RRAS2: variants seen among roughly 807,000 people sequenced by gnomAD.
RRAS2 encodes the protein RAS related 2.
RRAS2 carries 7 observed loss-of-function variants against 27.6 expected under a neutral mutation model. The ratio of observed to expected loss-of-function variants is 0.25; its 90% CI spans 0.14 to 0.48. RRAS2 has a LOEUF of 0.48. Ranked by LOEUF, RRAS2 falls within the 20% of genes least tolerant of loss-of-function variation. The pLI is 0.99. For missense variants in RRAS2, 178 were observed against 256.2 expected (o/e 0.69, Z 2.08); for synonymous variants, 86 against 90.9 (o/e 0.95, Z 0.31).
At chr11:14,343,712 T>TAGGTGC (rs150689172) in intron 1 of RRAS2, among the ~76,000 whole-genome samples, 3,675 of 151,920 alleles carry the variant, frequency 0.024, 163 homozygotes, top group African/African-American at 0.084. Context: ...TGCACGCCTG[T>TAGGTGC]AGTCCCAGCT....
In RRAS2 at chr11:14,278,871, G is replaced by T. The variant is rs1214332733; in HGVS notation, c.*466C>A. 1 of 156,210 alleles carries T rather than the reference G, an allele frequency of 6.4e-6. No individual in the cohort carries two copies. The highest frequency in any genetic ancestry group is 1.4e-5 in the Non-Finnish European group (1 of 70,318). The allele number at this position is 156,210 out of a possible 1,614,324, so 9.7% of individuals were successfully genotyped here. A position where few individuals can be genotyped will look rare whatever the true frequency, so the allele number is the denominator to read the frequency against. ...TTCACTTTTGTAGATTCAATTCAGTGTATTTAAGGTTAACAAAGGCTGACA... is the reference window on the plus strand; with the variant it reads ...TTCACTTTTGTAGATTCAATTCAGTTTATTTAAGGTTAACAAAGGCTGACA... On this transcript the variant is annotated 3_prime_UTR_variant, in exon 6 of 6. Transcript: ENST00000256196.
Position 14,351,928 on chromosome 11 carries a change from C to T in RRAS2, c.108+6835G>A, listed in dbSNP as rs1848964014. ...AAAAAAAAAAGAAGACAGCAAATGC[C>T]CTGGTTTTTCGGAAATACACAAAGA... On this transcript the variant is annotated intron_variant, in intron 1 of 5. Transcript: ENST00000256196. Among the ~76,000 whole-genome samples, 2 of 151,432 alleles carry T rather than the reference C, an allele frequency of 1.3e-5. 1 individual carries two copies. The highest frequency in any genetic ancestry group is 1.3e-4 in the Admixed American group (2 of 15,192).
At chr11:14,295,654 A>G (rs1591450141) in intron 2 of RRAS2, 114 bp downstream of exon 2, 1 of 756,074 alleles carries the variant, frequency 1.3e-6, no homozygotes, top group East Asian at 2.7e-5. Context: ...GACATGGGCT[A>G]ATATTCCAGA....
chr11:14,307,101 G>A (rs1461971032), intron 1 of RRAS2, among the ~76,000 whole-genome samples: 2 of 151,920 alleles, frequency 1.3e-5, no homozygotes, highest in Non-Finnish European at 2.9e-5. Context: ...TGAAGTGGGA[G>A]GATCATGGGA....
intron 1 of RRAS2, among the ~76,000 whole-genome samples, chr11:14,350,722 AT>A (rs1381753188): frequency 3.9e-5 from 6 of 152,062 alleles, no homozygotes; most frequent in Non-Finnish European, 8.8e-5. Context: ...CAAAAAAAAA[AT>A]CTCATGTTTT....
intron 1 of RRAS2, among the ~76,000 whole-genome samples, chr11:14,301,561 T>G (rs1847705722): frequency 1.3e-5 from 2 of 152,244 alleles, no homozygotes; most frequent in Non-Finnish European, 2.9e-5. Flanking sequence ...AGGGACTTTG[T>G]CAGAGAAGTA....
chr11:14,319,824 G>A (rs915781304), intron 1 of RRAS2, among the ~76,000 whole-genome samples: 1 of 152,182 alleles, frequency 6.6e-6, no homozygotes, highest in African/African-American at 2.4e-5. Context: ...GTAAGTATCA[G>A]TTGTATTTTT....
At chr11:14,316,029 C>CAA (rs143019979) in intron 1 of RRAS2, among the ~76,000 whole-genome samples, 13 of 151,544 alleles carry the variant, frequency 8.6e-5, no homozygotes, top group Admixed American at 2.6e-4. Flanking sequence ...AATAAAAAGA[C>CAA]AAAAAAAACG....
chr11:14,297,040 A>G (rs1317368796), intron 1 of RRAS2, among the ~76,000 whole-genome samples: 1 of 152,168 alleles, frequency 6.6e-6, no homozygotes, highest in African/African-American at 2.4e-5. Flanking sequence ...CCAAAAAAGA[A>G]AAAGGTTTAA....
upstream of RRAS2, chr11:14,359,224 GGGGGC>G: frequency 2.2e-6 from 2 of 918,172 alleles, no homozygotes; most frequent in Non-Finnish European, 2.6e-6. Context: ...ATATGCATGA[GGGGGC>G]GGGGAGGGGC....
At chr11:14,305,691 T>G (rs545180659) in intron 1 of RRAS2, among the ~76,000 whole-genome samples, 2 of 152,260 alleles carry the variant, frequency 1.3e-5, no homozygotes, top group African/African-American at 4.8e-5. Context: ...CACAGACACA[T>G]TCCCACTAGC....
chr11:14,347,676 T>C (rs1449683321), intron 1 of RRAS2, among the ~76,000 whole-genome samples: 1 of 151,698 alleles, frequency 6.6e-6, no homozygotes, highest in African/African-American at 2.4e-5. Context: ...AAAACTTAGG[T>C]ACAGTGGCTC....
intron 1 of RRAS2, among the ~76,000 whole-genome samples, chr11:14,347,727 GATC>G (rs1273338201): frequency 6.6e-6 from 1 of 152,072 alleles, no homozygotes; most frequent in Non-Finnish European, 1.5e-5. Flanking sequence ...GAGGCAGGAA[GATC>G]ATTTCAGCCC....
chr11:14,354,311 T>C (rs1237891004), intron 1 of RRAS2: 4 of 152,166 alleles, frequency 2.6e-5, no homozygotes, highest in Admixed American at 2.0e-4. Context: ...AAAGTTAATA[T>C]GCTAAAAAAA....
At chr11:14,322,979 A>C (rs1178539587) in intron 1 of RRAS2, among the ~76,000 whole-genome samples, 2 of 152,248 alleles carry the variant, frequency 1.3e-5, no homozygotes, top group African/African-American at 4.8e-5. Flanking sequence ...TGGACTAAAA[A>C]GCGTATCTCT....
At chr11:14,345,588 T>C (rs1170285495) in intron 1 of RRAS2, among the ~76,000 whole-genome samples, 11 of 152,210 alleles carry the variant, frequency 7.2e-5, no homozygotes, top group Admixed American at 6.5e-4. Flanking sequence ...TTCTAATCCA[T>C]AACCTTCTTT....
chr11:14,315,564 A>T (rs1554949423), intron 1 of RRAS2, among the ~76,000 whole-genome samples: 5 of 152,244 alleles, frequency 3.3e-5, no homozygotes. Flanking sequence ...AACTATGGAA[A>T]CCTGAATAAA....
intron 2 of RRAS2, 69 bp downstream of exon 2, chr11:14,295,699 C>A (rs782339119): frequency 2.5e-6 from 3 of 1,176,954 alleles, no homozygotes; most frequent in Admixed American, 2.2e-5. Flanking sequence ...TTTAACATAG[C>A]AAAACATCAG....
Position 14,308,511 on chromosome 11 carries a change from T to C in RRAS2, c.109-12656A>G, listed in dbSNP as rs571773228. On this transcript the variant is annotated intron_variant, in intron 1 of 5. Transcript: ENST00000256196. Reference sequence around the variant, plus strand: ...AGCTATATAATTTTATTATGACACGTTTAGCTCCTACAATATGCCAAATAT... The same window carrying C: ...AGCTATATAATTTTATTATGACACGCTTAGCTCCTACAATATGCCAAATAT... Among the ~76,000 whole-genome samples the C allele has an allele frequency of 2.6e-5, 4 of 152,322 alleles. No homozygotes were observed. The South Asian group carries it at 6.2e-4, about 24-fold the overall frequency.
Sources: gnomAD v4.1 joint callset for allele counts (sites outside exome capture counted in the v4.1 genomes callset) on GRCh38, gnomAD v4.1.1 for gene constraint, MANE v1.5 for transcripts, NCBI Gene and HGNC (gene_info 2026-07-23, HGNC 2026-07-21) for gene names.